Variants in CDH7 observed in about 807,000 individuals in gnomAD.
The protein encoded by CDH7 is cadherin-7.
In CDH7, 25 loss-of-function variants were observed where a neutral mutation model predicts 71.8. The ratio of observed to expected loss-of-function variants is 0.35; its 90% CI spans 0.25 to 0.49. CDH7 has a LOEUF of 0.49. Among genes scored for constraint, CDH7 ranks in the 20% least tolerant of loss-of-function variants. The pLI, the probability that CDH7 is intolerant of heterozygous loss-of-function variation, is 0.99. For missense variants in CDH7, 862 were observed against 974.6 expected (o/e 0.88, Z 1.54); for synonymous variants, 381 against 363.8 (o/e 1.05, Z -0.54).
intron 2 of CDH7, among the ~76,000 whole-genome samples, chr18:65,797,370 A>T (rs1910954844): frequency 6.6e-6 from 1 of 152,158 alleles, no homozygotes; most frequent in South Asian, 2.1e-4. Flanking sequence ...TTCTTTATGA[A>T]AATGTTTATC....
chr18:65,873,167 T>C (rs1913976705), intron 11 of CDH7, among the ~76,000 whole-genome samples: 1 of 152,146 alleles, frequency 6.6e-6, no homozygotes, highest in African/African-American at 2.4e-5. Context: ...TGAAATTGCA[T>C]CCAGATTGTG....
intron 2 of CDH7, among the ~76,000 whole-genome samples, chr18:65,775,025 A>G (rs1448747211): frequency 6.6e-6 from 1 of 152,190 alleles, no homozygotes; most frequent in Admixed American, 6.6e-5. Context: ...CAGACAGGAA[A>G]TGAGTGTTGA....
In CDH7 at chr18:65,884,718, G is replaced by A. The variant is rs776348173; in HGVS notation, c.*3824G>A. 6.6e-6 allele frequency: 1 copy of A among 152,256 alleles called. No individual in the cohort carries two copies. Among genetic ancestry groups the A allele is most frequent in the Non-Finnish European group, 1.5e-5 (1 of 68,010 alleles). The allele number at this position is 152,256 out of a possible 1,614,324, so 9.4% of individuals were successfully genotyped here. ...TCTAAAGCAGCTTAAAATAAGCTAAGCTAAACAAACTGCAAGAAGCTAAAT... is the reference window on the plus strand; with the variant it reads ...TCTAAAGCAGCTTAAAATAAGCTAAACTAAACAAACTGCAAGAAGCTAAAT... On this transcript the variant is annotated 3_prime_UTR_variant, in exon 12 of 12. Transcript: ENST00000397968.
At chr18:65,814,366 G>T in intron 3 of CDH7, 119 bp from the exon 4 acceptor site, 2 of 1,167,480 alleles carry the variant, frequency 1.7e-6, no homozygotes, top group Non-Finnish European at 2.5e-6. Context: ...TATGTGTCTT[G>T]AAAAAGATAA....
chr18:65,857,450 G>T (rs903115647), intron 7 of CDH7, among the ~76,000 whole-genome samples: 14 of 151,284 alleles, frequency 9.3e-5, no homozygotes, highest in African/African-American at 3.4e-4. Flanking sequence ...GGAGTTTGAG[G>T]TTACAGTGAT....
intron 11 of CDH7, among the ~76,000 whole-genome samples, chr18:65,868,059 T>A (rs1015769866): frequency 1.7e-4 from 6 of 34,898 alleles, no homozygotes; most frequent in Non-Finnish European, 1.2e-4. Flanking sequence ...CACTGAAGAT[T>A]GTGGAGAAAA....
chr18:65,885,298 GCAT>G lies in CDH7; in HGVS notation c.*4405_*4407del, dbSNP rs1914339329. 1 of 145,222 alleles carries G rather than the reference GCAT, an allele frequency of 6.9e-6. No individual in the cohort carries two copies. Among genetic ancestry groups the G allele is most frequent in the Non-Finnish European group, 1.5e-5 (1 of 66,586 alleles). 9.0% of individuals were successfully genotyped at this position (145,222 alleles called of 1,614,324 possible). ...CAAATCAAGACAGGCAGTGTGCGTTGCATTCTGACACTTTTTCATTGTTATGCT... is the reference window on the plus strand; with the variant it reads ...CAAATCAAGACAGGCAGTGTGCGTTGTCTGACACTTTTTCATTGTTATGCT... On this transcript the variant is annotated 3_prime_UTR_variant, in exon 12 of 12. Transcript: ENST00000397968.
chr18:65,751,823 G>A (rs564654074), intron 1 of CDH7, among the ~76,000 whole-genome samples: 1 of 152,336 alleles, frequency 6.6e-6, no homozygotes, highest in Admixed American at 6.5e-5. Context: ...CTTCATGGGT[G>A]CACATGGTAC....
intron 10 of CDH7, among the ~76,000 whole-genome samples, chr18:65,860,360 C>A (rs1462805985): frequency 1.3e-5 from 2 of 151,964 alleles, no homozygotes; most frequent in Non-Finnish European, 1.5e-5. Flanking sequence ...TAACAAAACT[C>A]CCTCTCGTGT....
intron 11 of CDH7, among the ~76,000 whole-genome samples, chr18:65,877,594 C>T (rs1184025146): frequency 6.6e-6 from 1 of 152,018 alleles, no homozygotes. Context: ...CTGGACATTT[C>T]TCCTCCTTAA....
At chr18:65,750,651 C>A (rs1915836967), upstream of CDH7, 1 of 152,216 alleles carries the variant, frequency 6.6e-6, no homozygotes, top group South Asian at 2.1e-4. Context: ...CCCACCGGGT[C>A]TCTGGGAGGC....
intron 2 of CDH7, among the ~76,000 whole-genome samples, chr18:65,790,502 C>G (rs376590108): frequency 1.8e-3 from 277 of 152,100 alleles, no homozygotes; most frequent in African/African-American, 6.3e-3. Context: ...TTTCTGTTCA[C>G]CCAAGTAGTC....
chr18:65,878,039 A>T (rs1236618762), intron 11 of CDH7, among the ~76,000 whole-genome samples: 1 of 152,164 alleles, frequency 6.6e-6, no homozygotes, highest in Non-Finnish European at 1.5e-5. Flanking sequence ...GCATTTAATT[A>T]TATTTAGACA....
chr18:65,885,372 G>GTTTTTTTTCTTTTTTCTTTTTTT lies in CDH7; in HGVS notation c.*4486_*4487insCTTTTTTCTTTTTTTTTTTTTTT, dbSNP rs1555692661. 1.4e-5 allele frequency: 1 copy of GTTTTTTTTCTTTTTTCTTTTTTT among 69,436 alleles called. No individual in the cohort carries two copies. The highest frequency in any genetic ancestry group is 2.7e-5 in the Non-Finnish European group (1 of 37,390). 4.3% of individuals were successfully genotyped at this position (69,436 alleles called of 1,614,324 possible). A position where few individuals can be genotyped will look rare whatever the true frequency, so the allele number is the denominator to read the frequency against. On this transcript the variant is annotated 3_prime_UTR_variant, in exon 12 of 12. Transcript: ENST00000397968. Reference sequence around the variant, plus strand: ...GTAACTGAAAAGGATGTGTGCCTGTGTTTTTTTTTTTTTTTTTTTTTTTGA... The same window carrying GTTTTTTTTCTTTTTTCTTTTTTT: ...GTAACTGAAAAGGATGTGTGCCTGTGTTTTTTTTCTTTTTTCTTTTTTTTTTTTTTTTTTTTTTTTTTTTTTGA...
intron 6 of CDH7, among the ~76,000 whole-genome samples, chr18:65,838,098 T>C (rs1912597848): frequency 6.6e-6 from 1 of 152,002 alleles, no homozygotes; most frequent in African/African-American, 2.4e-5. Context: ...CTAACTTTTG[T>C]ATTTTTAGTA....
chr18:65,809,134 A>G (rs993983803), intron 2 of CDH7, among the ~76,000 whole-genome samples: 2 of 152,118 alleles, frequency 1.3e-5, no homozygotes, highest in African/African-American at 4.8e-5. Flanking sequence ...TTTCAGCTCC[A>G]ATTTTTAAAA....
intron 2 of CDH7, among the ~76,000 whole-genome samples, chr18:65,764,477 A>G (rs949801442): frequency 1.3e-5 from 2 of 151,996 alleles, no homozygotes; most frequent in Non-Finnish European, 2.9e-5. Flanking sequence ...TACTGTACAT[A>G]TATATGCTAA....
intron 2 of CDH7, among the ~76,000 whole-genome samples, chr18:65,786,626 G>T (rs11874362): frequency 0.34 from 52,056 of 151,966 alleles, 9,252 homozygotes; most frequent in Middle Eastern, 0.46. Context: ...GTATGATAAC[G>T]CTGATAACTC....
intron 8 of CDH7, 111 bp from the exon 9 acceptor site, chr18:65,858,814 G>C (rs373429422): frequency 9.8e-7 from 1 of 1,019,524 alleles, no homozygotes. Context: ...CTCCTTTTAA[G>C]TAATACAGCA....
Sources: gnomAD v4.1 joint callset for allele counts (sites outside exome capture counted in the v4.1 genomes callset) on GRCh38, gnomAD v4.1.1 for gene constraint, MANE v1.5 for transcripts, NCBI Gene and HGNC (gene_info 2026-07-23, HGNC 2026-07-21) for gene names.